The following CUBN variants were observed in gnomAD, a reference collection of about 807,000 sequenced individuals.
The protein encoded by CUBN is 460 kDa receptor.
A neutral mutation model predicts 405.3 loss-of-function variants in CUBN; 282 were observed. The ratio of observed to expected loss-of-function variants is 0.70; its 90% CI spans 0.63 to 0.77. The LOEUF is 0.77. Among genes scored for constraint, CUBN ranks in the 30% least tolerant of loss-of-function variants. The probability of loss-of-function intolerance (pLI) is 0.00; values close to 1 mark genes in which losing one functional copy is unlikely to be tolerated. For synonymous variants in CUBN, 1,684 were observed against 1,617.0 expected, an observed-to-expected ratio of 1.04 and a Z score of -0.99; for missense variants, 4,514 against 4,475.2, an observed-to-expected ratio of 1.01 and a Z score of -0.25.
chr10:16,851,492 T>C, intron 59 of CUBN, 49 bp from the exon 60 acceptor site: 1 of 1,493,442 alleles, frequency 6.7e-7, no homozygotes, highest in South Asian at 1.1e-5. Flanking sequence ...GAACCGACCT[T>C]ACATTGTACA....
At chr10:16,838,046 C>T (rs1166465195) in intron 62 of CUBN, among the ~76,000 whole-genome samples, 1 of 152,120 alleles carries the variant, frequency 6.6e-6, no homozygotes, top group Non-Finnish European at 1.5e-5. Context: ...CTCTAGGGTA[C>T]CAATGGGTAA....
At chr10:16,946,788 C>T (rs12217725) in intron 36 of CUBN, among the ~76,000 whole-genome samples, 10,984 of 152,142 alleles carry the variant, frequency 0.072, 769 homozygotes, top group East Asian at 0.18. Flanking sequence ...AGCCACTACA[C>T]CCAGCCCCAG....
At position 17,127,824 on chromosome 10, in the gene CUBN, C is replaced by T. The variant is rs1837234354; in HGVS notation, c.348+5G>A. On this transcript the variant is annotated splice_donor_5th_base_variant and intron_variant, in intron 3 of 66. Transcript: ENST00000377833. ...CGGTTCTTATGACGTAGATGTCAGA[C>T]TTACCTTGGAATTAAGCTGATAGAT... 3 of 1,606,936 alleles carry T rather than the reference C, an allele frequency of 1.9e-6. No individual in the cohort carries two copies. In the African/African-American group the frequency reaches 4.0e-5, roughly 21 times the overall value.
intron 39 of CUBN, among the ~76,000 whole-genome samples, chr10:16,936,995 G>C (rs1012260066): frequency 6.6e-6 from 1 of 152,094 alleles, no homozygotes; most frequent in African/African-American, 2.4e-5. Flanking sequence ...GGGATTACAG[G>C]CATCAGCCAC....
chr10:16,853,977 T>C (rs1839795103), intron 59 of CUBN, among the ~76,000 whole-genome samples: 1 of 152,218 alleles, frequency 6.6e-6, no homozygotes, highest in Admixed American at 6.5e-5. Context: ...GATAGTCCAT[T>C]AGTAGTAAGA....
intron 56 of CUBN, among the ~76,000 whole-genome samples, chr10:16,885,927 T>A (rs1330534202): frequency 6.6e-6 from 1 of 152,226 alleles, no homozygotes; most frequent in East Asian, 1.9e-4. Context: ...GCATCTCGAA[T>A]AAATCTATCA....
intron 60 of CUBN, among the ~76,000 whole-genome samples, chr10:16,843,858 A>G (rs2131325295): frequency 6.6e-6 from 1 of 152,338 alleles, no homozygotes; most frequent in South Asian, 2.1e-4. Context: ...ATATATGTGT[A>G]TATAAATTAT....
At chr10:16,842,894 C>T (rs1839396158) in intron 60 of CUBN, among the ~76,000 whole-genome samples, 1 of 152,210 alleles carries the variant, frequency 6.6e-6, no homozygotes, top group Non-Finnish European at 1.5e-5. Flanking sequence ...GTTCCTGCTG[C>T]TCTTCCTTCC....
intron 28 of CUBN, among the ~76,000 whole-genome samples, chr10:17,003,111 TCTTAA>T (rs1833933534): frequency 6.6e-6 from 1 of 152,194 alleles, no homozygotes; most frequent in South Asian, 2.1e-4. Flanking sequence ...GGGAAATATC[TCTTAA>T]CTTAAACAGA....
chr10:16,874,404 G>A lies in CUBN; in HGVS notation c.9206C>T (p.Thr3069Ile), dbSNP rs117400821. Residue 3069 changes from threonine to isoleucine, a missense_variant, in exon 58 of 67, where the codon ACC becomes ATC. By Grantham distance (89) the Thr-to-Ile change is moderately conservative. This residue lies in a region of CUBN where 1,186 missense variants were observed against 1,186.9 expected (regional missense o/e 1.00). Coordinates refer to ENST00000377833, the MANE Select transcript of CUBN (RefSeq NM_001081.4). ...PNDMHCLYTITVSDDKVIELK... is the reference protein window; with the variant it reads ...PNDMHCLYTIIVSDDKVIELK... The stretch of plus-strand genomic sequence containing the variant: ...CTCGATCACCTTGTCGTCACTAACG[G>A]TGATGGTATACAGACAGTGCATATC... 1,192 of 1,614,122 alleles carry A rather than the reference G, an allele frequency of 7.4e-4. 7 individuals carry two copies. The East Asian group carries it at 0.017, about 23-fold the overall frequency.
chr10:17,073,324 A>G (rs1182717379), intron 17 of CUBN, among the ~76,000 whole-genome samples: 2 of 152,218 alleles, frequency 1.3e-5, no homozygotes, highest in Non-Finnish European at 2.9e-5. Flanking sequence ...TACATCAGAT[A>G]AGATAAGCCA....
chr10:17,069,244 T>G (rs1835683136), intron 19 of CUBN, among the ~76,000 whole-genome samples: 1 of 152,220 alleles, frequency 6.6e-6, no homozygotes, highest in African/African-American at 2.4e-5. Flanking sequence ...AAATAATGAT[T>G]GCATTTTGCT....
intron 59 of CUBN, among the ~76,000 whole-genome samples, chr10:16,856,400 T>C (rs1839869718): frequency 6.6e-6 from 1 of 152,156 alleles, no homozygotes; most frequent in East Asian, 1.9e-4. Flanking sequence ...AAATACATGT[T>C]TTGGCTAAAG....
At chr10:17,000,758 G>C (rs1833855387) in intron 28 of CUBN, among the ~76,000 whole-genome samples, 1 of 152,170 alleles carries the variant, frequency 6.6e-6, no homozygotes, top group Non-Finnish European at 1.5e-5. Flanking sequence ...TTGCTTAGTG[G>C]ATGTGTAAGT....
At position 17,068,743 on chromosome 10, in the gene CUBN, G is replaced by A. The variant is rs1158291812; in HGVS notation, c.2653C>T (p.Pro885Ser). 3.1e-6 allele frequency: 5 copies of A among 1,612,278 alleles called. No individual in the cohort carries two copies. The highest frequency in any genetic ancestry group is 1.1e-5 in the South Asian group (1 of 91,024). The change falls in exon 20 of 67, where the codon CCT (proline) becomes TCT (serine). Residue 885 changes from proline to serine, a missense_variant. Transcript: ENST00000377833. Reference protein sequence around the residue: ...EIGSSSILGSPENKKYCGTDI... With the variant: ...EIGSSSILGSSENKKYCGTDI... The stretch of plus-strand genomic sequence containing the variant: ...GTACCGCAATACTTTTTATTTTCAG[G>A]AGAACCCAAAATGGAACTGCTACCA...
At chr10:17,109,187 G>A (rs1000173792) in intron 10 of CUBN, among the ~76,000 whole-genome samples, 1 of 152,144 alleles carries the variant, frequency 6.6e-6, no homozygotes, top group African/African-American at 2.4e-5. Flanking sequence ...TGCAAACACT[G>A]TTGGTTGTCA....
chr10:17,074,348 A>G (rs1027017966), intron 17 of CUBN, among the ~76,000 whole-genome samples: 1 of 152,168 alleles, frequency 6.6e-6, no homozygotes, highest in African/African-American at 2.4e-5. Context: ...TTATTATCAC[A>G]GCAATCATGG....
At chr10:17,086,731 C>A (rs540068765) in intron 15 of CUBN, among the ~76,000 whole-genome samples, 2 of 152,100 alleles carry the variant, frequency 1.3e-5, no homozygotes, top group African/African-American at 4.8e-5. Flanking sequence ...TTTGTCTATT[C>A]AAATTACTTT....
At chr10:17,076,470 T>G (rs554401544) in intron 17 of CUBN, among the ~76,000 whole-genome samples, 1 of 115,206 alleles carries the variant, frequency 8.7e-6, no homozygotes, top group Non-Finnish European at 1.7e-5. Context: ...CTTGATAAAT[T>G]TGCACCCCCA....
Sources: gnomAD v4.1 joint callset for allele counts (sites outside exome capture counted in the v4.1 genomes callset) on GRCh38, gnomAD v4.1.1 for gene constraint, gnomAD v4.1.1 regional missense constraint, MANE v1.5 for transcripts, NCBI Gene and HGNC (gene_info 2026-07-23, HGNC 2026-07-21) for gene names.